PCDHA8: variants seen among roughly 807,000 people sequenced by gnomAD.
PCDHA8 encodes the protein protocadherin alpha-8.
Under a neutral mutation model 61.8 loss-of-function variants are expected in PCDHA8, and 53 were observed. The ratio of observed to expected loss-of-function variants is 0.86; its 90% CI spans 0.69 to 1.08. The LOEUF (loss-of-function observed/expected upper bound fraction) is 1.08, where lower values mean the gene tolerates loss of function less well. PCDHA8 is among the 50% of genes least tolerant of loss of function. The pLI, the probability that PCDHA8 is intolerant of heterozygous loss-of-function variation, is 0.00. For missense variants in PCDHA8, 1,293 were observed against 1,245.0 expected, an observed-to-expected ratio of 1.04 and a Z score of -0.58; for synonymous variants, 618 against 556.6, an observed-to-expected ratio of 1.11 and a Z score of -1.55.
intron 1 of PCDHA8, among the ~76,000 whole-genome samples, chr5:140,846,965 G>T (rs1780782789): frequency 6.7e-6 from 1 of 149,528 alleles, no homozygotes; most frequent in South Asian, 2.1e-4. Flanking sequence ...TGTTTCAGTG[G>T]TTTTAAAATA....
rs1778561024 is a variant in PCDHA8, at chr5:140,843,101, G to T, written c.1780G>T (p.Val594Leu). 1.3e-6 allele frequency: 2 copies of T among 1,595,770 alleles called. No individual in the cohort carries two copies. Among genetic ancestry groups the T allele is most frequent in the Non-Finnish European group, 1.7e-6 (2 of 1,165,494 alleles). ...GGGCGCGGGCCACGTGGTAGCGAAG[G>T]TGCGCGCAGTGGACGCCGACTCGGG... ...SVGAGHVVAK[V>L]RAVDADSGYN... The change falls in exon 1 of 4, where the codon GTG becomes TTG. Residue 594 changes from valine (V) to leucine (L), a missense_variant. Coordinates refer to ENST00000531613, the MANE Select transcript of PCDHA8 (RefSeq NM_018911.3).
At chr5:140,928,817 G>A (rs868908592) in intron 1 of PCDHA8, 1 of 1,614,118 alleles carries the variant, frequency 6.2e-7, no homozygotes, top group Non-Finnish European at 8.5e-7. Flanking sequence ...CGGGACCATG[G>A]AGACCCACCA....
At chr5:140,983,865 GC>G (rs2097073239) in intron 3 of PCDHA8, among the ~76,000 whole-genome samples, 1 of 152,120 alleles carries the variant, frequency 6.6e-6, no homozygotes, top group Admixed American at 6.5e-5. Context: ...GCAGCTAAGG[GC>G]CCATTTTTAC....
At chr5:140,882,655 C>T in intron 1 of PCDHA8, 5 of 1,614,196 alleles carry the variant, frequency 3.1e-6, no homozygotes, top group Non-Finnish European at 4.2e-6. Context: ...TTAACGACAA[C>T]CCGCCCATAT....
intron 1 of PCDHA8, chr5:140,969,141 G>A: frequency 6.2e-7 from 1 of 1,614,158 alleles, no homozygotes; most frequent in South Asian, 1.1e-5. Flanking sequence ...AAGACCTACT[G>A]CTACAAGGCC....
At chr5:140,978,788 T>TA (rs2096823213) in intron 1 of PCDHA8, 161 bp from the exon 2 acceptor site, 1 of 974,810 alleles carries the variant, frequency 1.0e-6, no homozygotes, top group Non-Finnish European at 1.2e-6. Flanking sequence ...TCTAAAGTGC[T>TA]ATATATGTAG....
In PCDHA8 at chr5:140,843,649, T is replaced by C; in HGVS notation, c.2328T>C (p.Leu776=). The C allele has an allele frequency of 6.3e-7, 1 of 1,595,168 alleles. No individual in the cohort carries two copies. Residue 776 remains leucine (L), a synonymous_variant, in exon 1 of 4, where the codon CTT becomes CTC. Transcript: ENST00000531613. ...KTDLMAFSPC[L]PPDLGSVDVG... is the part of the protein sequence containing the mutation. Reference sequence around the variant, plus strand: ...ACCTCATGGCCTTCAGCCCCTGCCTTCCTCCTGATCTGGGATCAGTTGATG... The same window carrying C: ...ACCTCATGGCCTTCAGCCCCTGCCTCCCTCCTGATCTGGGATCAGTTGATG...
At chr5:140,870,277 G>T (rs367959983) in intron 1 of PCDHA8, 4 of 1,614,168 alleles carry the variant, frequency 2.5e-6, no homozygotes, top group Non-Finnish European at 3.4e-6. Context: ...GACGCCCCAC[G>T]TTCCCTTCAA....
At position 140,927,544 on chromosome 5, in the gene PCDHA8, C is replaced by G. The variant is rs1442526060; in HGVS notation, c.2395-51405C>G. 2.5e-6 allele frequency: 4 copies of G among 1,614,034 alleles called. No homozygotes were observed. The East Asian group carries it at 6.7e-5, about 27-fold the overall frequency. ...GCTACCTGCCCGCTCAGGAGACGCA[C>G]AAGTCACCATCATTGTGGTGGACAC... On this transcript the variant is annotated intron_variant, in intron 1 of 3. Transcript: ENST00000531613.
chr5:140,876,473 G>A, intron 1 of PCDHA8: 1 of 1,614,038 alleles, frequency 6.2e-7, no homozygotes, highest in South Asian at 1.1e-5. Context: ...GCAGGTCACA[G>A]CATGGTCCTG....
chr5:140,893,433 G>A (rs1441735373), intron 1 of PCDHA8, among the ~76,000 whole-genome samples: 3 of 152,006 alleles, frequency 2.0e-5, no homozygotes, highest in African/African-American at 4.8e-5. Context: ...CAGGAAGATC[G>A]CTTGAAGCCA....
intron 1 of PCDHA8, among the ~76,000 whole-genome samples, chr5:140,914,220 C>T (rs1210445622): frequency 6.6e-6 from 1 of 152,212 alleles, no homozygotes; most frequent in South Asian, 2.1e-4. Flanking sequence ...TCTCTTTTAG[C>T]TCTAATACTA....
chr5:140,871,490 G>A (rs1554165680), intron 1 of PCDHA8: 1 of 1,590,548 alleles, frequency 6.3e-7, no homozygotes, highest in Admixed American at 1.8e-5. Context: ...AATCACCCCG[G>A]ACAGGTGAGT....
chr5:140,946,457 C>T (rs1480427132), intron 1 of PCDHA8, among the ~76,000 whole-genome samples: 2 of 151,612 alleles, frequency 1.3e-5, no homozygotes, highest in Non-Finnish European at 3.0e-5. Flanking sequence ...AACTATCCAG[C>T]AATCCCACTA....
chr5:140,853,855 T>A, intron 1 of PCDHA8: 1 of 985,872 alleles, frequency 1.0e-6, no homozygotes, highest in Non-Finnish European at 1.2e-6. Flanking sequence ...TAGCCCTATT[T>A]GATACTTGAC....
chr5:141,000,418 T>C (rs2097923101), intron 3 of PCDHA8, among the ~76,000 whole-genome samples: 1 of 83,682 alleles, frequency 1.2e-5, no homozygotes, highest in Admixed American at 1.7e-4. Flanking sequence ...TATATATATA[T>C]ATATTTTTTT....
At chr5:140,967,142 C>T in intron 1 of PCDHA8, 1 of 1,611,304 alleles carries the variant, frequency 6.2e-7, no homozygotes, top group Non-Finnish European at 8.5e-7. Flanking sequence ...AGTGCTGGCG[C>T]ACAACCCCGT....
intron 1 of PCDHA8, among the ~76,000 whole-genome samples, chr5:140,892,084 C>G (rs1233800772): frequency 6.6e-6 from 1 of 151,992 alleles, no homozygotes; most frequent in African/African-American, 2.4e-5. Flanking sequence ...TTCTAGTTTC[C>G]TCTCGAAACT....
chr5:140,967,146 A>C, intron 1 of PCDHA8: 1 of 1,610,972 alleles, frequency 6.2e-7, no homozygotes, highest in Non-Finnish European at 8.5e-7. Flanking sequence ...CTGGCGCACA[A>C]CCCCGTGGCG....
Sources: allele counts gnomAD v4.1 joint callset (sites outside exome capture counted in the v4.1 genomes callset), GRCh38; gene constraint gnomAD v4.1.1; transcripts MANE v1.5; gene names NCBI Gene and HGNC (gene_info 2026-07-23, HGNC 2026-07-21).